Variants in PDE11A observed in about 807,000 individuals in gnomAD.
The protein encoded by PDE11A is dual 3',5'-cyclic-AMP and -GMP phosphodiesterase 11A.
PDE11A carries 100 observed loss-of-function variants against 100.5 expected under a neutral mutation model. That is an observed-to-expected ratio of 1.00 (90% CI 0.85 to 1.18). The LOEUF (loss-of-function observed/expected upper bound fraction) is 1.18, where lower values mean the gene tolerates loss of function less well. Ranked by LOEUF, PDE11A falls within the 50% of genes most tolerant of loss-of-function variation. The pLI is 0.00. For synonymous variants in PDE11A, 381 were observed against 420.8 expected (o/e 0.91, Z 1.16); for missense variants, 1,141 against 1,152.6 (o/e 0.99, Z 0.15).
chr2:177,661,689 G>T (rs975827171), intron 19 of PDE11A, among the ~76,000 whole-genome samples: 1 of 152,124 alleles, frequency 6.6e-6, no homozygotes, highest in African/African-American at 2.4e-5. Context: ...TTTACTTAGT[G>T]ATGACAAGGA....
intron 4 of PDE11A, among the ~76,000 whole-genome samples, chr2:177,881,935 G>T (rs2084349831): frequency 6.6e-6 from 1 of 152,210 alleles, no homozygotes; most frequent in Admixed American, 6.5e-5. Flanking sequence ...AATGGCTAAT[G>T]ATAGGTTAAT....
In PDE11A at chr2:177,629,464, G is replaced by A. The variant is rs2079884356; in HGVS notation, c.2745C>T (p.Ala915=). ...TGGCAGGGGAGGATGAGGCAGTTGA[G>A]GCCAGCAGTCGTTTTTGGTGTAGCT... The part of the protein sequence containing the change: ...WEELHQKRLL[A]STASSSPASV... The change falls in exon 20 of 20, where the codon GCC becomes GCT. Residue 915 remains alanine, a synonymous_variant. Transcript: ENST00000286063. 3 of 1,613,836 alleles carry A rather than the reference G, an allele frequency of 1.9e-6. No individual in the cohort carries two copies. The East Asian group carries it at 6.7e-5, about 36-fold the overall frequency.
At chr2:177,846,177 G>A (rs539595364) in intron 5 of PDE11A, among the ~76,000 whole-genome samples, 2 of 152,286 alleles carry the variant, frequency 1.3e-5, no homozygotes, top group East Asian at 3.9e-4. Flanking sequence ...TTTATGTTAT[G>A]ATTAGGATCA....
intron 9 of PDE11A, among the ~76,000 whole-genome samples, chr2:177,778,863 G>A (rs1386842392): frequency 6.6e-6 from 1 of 152,154 alleles, no homozygotes; most frequent in Non-Finnish European, 1.5e-5. Context: ...ATGTTCAAAA[G>A]GTACTTCAGA....
chr2:177,870,624 T>G (rs1392468557), intron 5 of PDE11A, among the ~76,000 whole-genome samples: 2 of 152,230 alleles, frequency 1.3e-5, no homozygotes, highest in Admixed American at 6.5e-5. Context: ...TTCCTGGTAA[T>G]CTACTTGCAA....
At chr2:177,880,546 T>C (rs1358448108) in intron 4 of PDE11A, among the ~76,000 whole-genome samples, 3 of 152,204 alleles carry the variant, frequency 2.0e-5, no homozygotes, top group African/African-American at 7.2e-5. Flanking sequence ...TGATTTCCTG[T>C]AGTAAACTGT....
chr2:177,958,851 A>T (rs35862134), intron 2 of PDE11A, among the ~76,000 whole-genome samples: 15,905 of 152,268 alleles, frequency 0.1, 1,149 homozygotes, highest in Non-Finnish European at 0.15. Flanking sequence ...AAATTTATGA[A>T]ATAAAAGGAG....
chr2:177,777,714 A>G (rs2082397297), intron 9 of PDE11A, among the ~76,000 whole-genome samples: 1 of 152,234 alleles, frequency 6.6e-6, no homozygotes, highest in Non-Finnish European at 1.5e-5. Flanking sequence ...TTATAAATAT[A>G]CTATCATACT....
At chr2:178,073,425 G>C (rs1441136628), upstream of PDE11A, among the ~76,000 whole-genome samples, 1 of 152,172 alleles carries the variant, frequency 6.6e-6, no homozygotes, top group African/African-American at 2.4e-5. Context: ...GTAAAACACA[G>C]TACAGAAAAA....
At chr2:177,894,399 C>A (rs2084577534) in intron 4 of PDE11A, among the ~76,000 whole-genome samples, 1 of 152,142 alleles carries the variant, frequency 6.6e-6, no homozygotes, top group Non-Finnish European at 1.5e-5. Context: ...ACCTGGTTCA[C>A]TTTTAACCTT....
intron 2 of PDE11A, among the ~76,000 whole-genome samples, chr2:177,991,298 T>A (rs1298360873): frequency 6.7e-6 from 1 of 150,080 alleles, no homozygotes; most frequent in Admixed American, 6.7e-5. Context: ...GCCACTGTAC[T>A]CCAGCCTGGG....
intron 2 of PDE11A, among the ~76,000 whole-genome samples, chr2:177,918,971 T>A (rs2105751233): frequency 6.6e-6 from 1 of 152,284 alleles, no homozygotes; most frequent in South Asian, 2.1e-4. Flanking sequence ...TCTCAAATAT[T>A]TTTTGAAGAC....
chr2:177,669,759 G>A (rs1056012876), intron 17 of PDE11A, among the ~76,000 whole-genome samples, 192 bp from the exon 18 acceptor site: 1 of 152,178 alleles, frequency 6.6e-6, no homozygotes, highest in African/African-American at 2.4e-5. Context: ...CTTTTAATCA[G>A]GACAACTTGT....
intron 1 of PDE11A, among the ~76,000 whole-genome samples, chr2:178,028,373 T>C (rs2086504970): frequency 6.6e-6 from 1 of 150,766 alleles, no homozygotes; most frequent in Non-Finnish European, 1.5e-5. Context: ...CATACCAAAC[T>C]GAAGGTGTCA....
chr2:178,101,535 C>T (rs1373449940), intron 2 of PDE11A, among the ~76,000 whole-genome samples: 1 of 152,192 alleles, frequency 6.6e-6, no homozygotes, highest in Non-Finnish European at 1.5e-5. Flanking sequence ...CCTTTCTGTT[C>T]CCAGAGGTCA....
At position 177,675,207 on chromosome 2, in the gene PDE11A, G is replaced by A. The variant is rs547882112; in HGVS notation, c.2487+248C>T. Among the ~76,000 whole-genome samples the A allele has an allele frequency of 2.6e-4, 39 of 148,208 alleles. 1 individual carries two copies. Among genetic ancestry groups the A allele is most frequent in the South Asian group, 1.9e-3 (9 of 4,700 alleles). On this transcript the variant is annotated intron_variant, in intron 17 of 19. Coordinates refer to ENST00000286063, the MANE Select transcript of PDE11A (RefSeq NM_016953.4). ...ATGGTCAATGTATTATTCAGATTTC[G>A]CACATTAAAAATATCTTACAGAGTC...
chr2:177,819,627 T>C (rs2083101026), intron 7 of PDE11A, among the ~76,000 whole-genome samples: 1 of 152,044 alleles, frequency 6.6e-6, no homozygotes, highest in Non-Finnish European at 1.5e-5. Context: ...ATTCCCTTAT[T>C]GTGAGGAAAA....
At chr2:177,901,875 T>C (rs2084702964) in intron 3 of PDE11A, among the ~76,000 whole-genome samples, 1 of 152,238 alleles carries the variant, frequency 6.6e-6, no homozygotes, top group African/African-American at 2.4e-5. Flanking sequence ...GGGATCCATA[T>C]ACAAGAATAT....
rs1246773697 is a variant in PDE11A at position 178,085,671 on chromosome 2, C to T, written c.162+18631G>A. On this transcript the variant is annotated intron_variant, in intron 2 of 20. Transcript: ENST00000358450. ...ACAAGAAGGGAACTCAGAAAAAGAA[C>T]TGGCCTATTTATAAGCAGGGATTCA... Among the ~76,000 whole-genome samples the T allele has an allele frequency of 3.3e-5, 5 of 152,184 alleles. No homozygotes were observed. The East Asian group carries it at 7.7e-4, about 23-fold the overall frequency.
Sources: gnomAD v4.1 joint callset for allele counts (sites outside exome capture counted in the v4.1 genomes callset) on GRCh38, gnomAD v4.1.1 for gene constraint, MANE v1.5 for transcripts, NCBI Gene and HGNC (gene_info 2026-07-23, HGNC 2026-07-21) for gene names.